KIF27: variants seen among roughly 807,000 people sequenced by gnomAD.
KIF27 encodes the protein kinesin family member 27, also known as kinesin-like protein KIF27.
A neutral mutation model predicts 141.8 loss-of-function variants in KIF27; 84 were observed. The observed-to-expected ratio is 0.59, with a 90% CI of 0.50 to 0.71. The LOEUF (loss-of-function observed/expected upper bound fraction) is 0.71. Among genes scored for constraint, KIF27 ranks in the 30% least tolerant of loss-of-function variants. KIF27 has a pLI of 0.00. For missense variants in KIF27, 1,306 were observed against 1,628.4 expected, an observed-to-expected ratio of 0.80 and a Z score of 3.41; for synonymous variants, 471 against 569.5, an observed-to-expected ratio of 0.83 and a Z score of 2.46.
intron 4 of KIF27, among the ~76,000 whole-genome samples, chr9:83,901,117 C>A (rs1326408642): frequency 6.6e-6 from 1 of 152,086 alleles, no homozygotes; most frequent in African/African-American, 2.4e-5. Flanking sequence ...TGCCACCATG[C>A]CTGGCTAGTT....
At chr9:83,884,162 C>T (rs1203581611) in intron 9 of KIF27, 144 bp from the exon 10 acceptor site, 2 of 547,184 alleles carry the variant, frequency 3.7e-6, no homozygotes, top group Non-Finnish European at 6.2e-6. Flanking sequence ...TGTCCCCACC[C>T]ACCCCCATCA....
At chr9:83,863,363 TTATTGAGAGTTTTTACCA>T (rs1302699262) in intron 13 of KIF27, among the ~76,000 whole-genome samples, 1 of 152,194 alleles carries the variant, frequency 6.6e-6, no homozygotes, top group Non-Finnish European at 1.5e-5. Context: ...AATACCTAAT[TTATTGAGAGTTTTTACCA>T]TGAAGGGCTG....
Position 83,837,116 on chromosome 9 carries a change from CG to C in KIF27, c.4090del (p.Arg1364ValfsTer36), listed in dbSNP as rs746736118. ...TPVKLCRKELRQISALELSLR... is the reference protein window; with the variant it reads ...TPVKLCRKELXQISALELSLR... ...TGATAGTTCCAAGGCGGAAATTTGA[CG>C]TAATTCTTTTCGACACAGTTTTACA... On this transcript the variant is annotated frameshift_variant, in exon 18 of 18. Coordinates refer to ENST00000297814, the MANE Select transcript of KIF27 (RefSeq NM_017576.4). LOFTEE classifies it high-confidence loss of function. 13 of 1,613,866 alleles carry C rather than the reference CG, an allele frequency of 8.1e-6. No homozygotes were observed. Among genetic ancestry groups the C allele is most frequent in the South Asian group, 3.3e-5 (3 of 91,062 alleles).
intron 13 of KIF27, among the ~76,000 whole-genome samples, chr9:83,865,105 G>A (rs1161616407): frequency 6.6e-6 from 1 of 151,922 alleles, no homozygotes; most frequent in Non-Finnish European, 1.5e-5. Context: ...CACATTACTG[G>A]TGTTGAGAAA....
chr9:83,853,948 T>A, intron 14 of KIF27, 113 bp from the exon 15 acceptor site: 1 of 777,318 alleles, frequency 1.3e-6, no homozygotes, highest in East Asian at 2.7e-5. Flanking sequence ...ACTCTTGTAC[T>A]AGATTTTAAG....
intron 17 of KIF27, 70 bp from the exon 18 acceptor site, chr9:83,837,555 C>T: frequency 6.9e-7 from 1 of 1,447,044 alleles, no homozygotes; most frequent in Non-Finnish European, 9.3e-7. Flanking sequence ...ATCAAAACAT[C>T]TTAACATAAA....
chr9:83,891,258 T>C (rs1302767768), intron 6 of KIF27, 37 bp downstream of exon 6: 1 of 1,578,588 alleles, frequency 6.3e-7, no homozygotes, highest in Admixed American at 1.7e-5. Context: ...AAAATTTTTT[T>C]AATCTCCAAA....
intron 4 of KIF27, among the ~76,000 whole-genome samples, chr9:83,900,138 T>C (rs1428349334): frequency 6.6e-6 from 1 of 152,188 alleles, no homozygotes; most frequent in Non-Finnish European, 1.5e-5. Context: ...TGTGGATCAC[T>C]CAAAGAGCTC....
intron 3 of KIF27, among the ~76,000 whole-genome samples, chr9:83,908,127 T>C (rs1318230624): frequency 1.3e-5 from 2 of 151,980 alleles, no homozygotes; most frequent in African/African-American, 2.4e-5. Context: ...CCAGGCATGG[T>C]GGTGCACACC....
chr9:83,870,840 T>A (rs1392077070), intron 11 of KIF27, among the ~76,000 whole-genome samples: 2 of 151,772 alleles, frequency 1.3e-5, no homozygotes. Context: ...ACTTCCTTAG[T>A]CACAGAAAGA....
chr9:83,908,904 T>C (rs1056754711), intron 2 of KIF27, among the ~76,000 whole-genome samples: 6 of 152,090 alleles, frequency 3.9e-5, no homozygotes, highest in African/African-American at 1.4e-4. Flanking sequence ...GGATTACAGA[T>C]GCCCACCACC....
chr9:83,913,264 C>T (rs1955361154), intron 2 of KIF27, among the ~76,000 whole-genome samples: 1 of 152,098 alleles, frequency 6.6e-6, no homozygotes, highest in Non-Finnish European at 1.5e-5. Flanking sequence ...TTTCATTCTG[C>T]CCTAGTGCCC....
intron 11 of KIF27, among the ~76,000 whole-genome samples, chr9:83,873,907 C>A (rs1950998321): frequency 6.6e-6 from 1 of 152,048 alleles, no homozygotes; most frequent in South Asian, 2.1e-4. Context: ...AAAAAATTAG[C>A]CGGGTGTGGT....
At chr9:83,862,086 G>C (rs1588057645) in intron 13 of KIF27, among the ~76,000 whole-genome samples, 2 of 152,020 alleles carry the variant, frequency 1.3e-5, no homozygotes, top group African/African-American at 4.8e-5. Context: ...CCCTTTGTCA[G>C]ATGAGTAGAT....
Position 83,837,071 on chromosome 9 carries a change from C to A in KIF27, c.4136G>T (p.Gly1379Val). Reference sequence around the variant, plus strand: ...AGCAGCCATTGATCCAATGCCAACTCCAAGACTGGAACGTCGCAATGATAG... The same window carrying A: ...AGCAGCCATTGATCCAATGCCAACTACAAGACTGGAACGTCGCAATGATAG... The part of the protein sequence containing the change: ...LELSLRRSSL[G>V]VGIGSMAADS... Residue 1379 changes from glycine (G) to valine (V), a missense_variant, in exon 18 of 18, where the codon GGA becomes GTA. By Grantham distance (109) the Gly-to-Val change is moderately radical. This residue lies in a region of KIF27 where 148 missense variants were observed against 250.9 expected (regional missense o/e 0.59). Coordinates refer to ENST00000297814, the MANE Select transcript of KIF27 (RefSeq NM_017576.4). The A allele has an allele frequency of 6.2e-7, 1 of 1,614,008 alleles. No individual in the cohort carries two copies. Among genetic ancestry groups the A allele is most frequent in the Non-Finnish European group, 8.5e-7 (1 of 1,179,872 alleles).
intron 2 of KIF27, among the ~76,000 whole-genome samples, chr9:83,909,268 A>C (rs553498961): frequency 1.3e-5 from 2 of 152,330 alleles, no homozygotes; most frequent in African/African-American, 4.8e-5. Flanking sequence ...TTGCAACTTT[A>C]AATAGGAAGG....
chr9:83,845,764 A>G (rs535543130), intron 16 of KIF27, among the ~76,000 whole-genome samples: 9 of 152,346 alleles, frequency 5.9e-5, no homozygotes, highest in African/African-American at 1.7e-4. Context: ...CATGGGCTGT[A>G]GCCAGTGGTT....
At position 83,834,924 on chromosome 9, in the gene KIF27, T is replaced by TAA. The variant is rs1475070996; in HGVS notation, c.*2075_*2076dup. On this transcript the variant is annotated 3_prime_UTR_variant, in exon 18 of 18. Transcript: ENST00000297814. ...CTATATCTATATACAAGTATATATA[T>TAA]AATACTATATATATACAAGTGTTTA... 8.1e-5 allele frequency among the ~76,000 whole-genome samples: 12 copies of TAA among 148,896 alleles called. No homozygotes were observed. The highest frequency in any genetic ancestry group is 2.1e-4 in the South Asian group (1 of 4,776).
chr9:83,862,411 A>T (rs1950013411), intron 13 of KIF27, among the ~76,000 whole-genome samples: 1 of 152,220 alleles, frequency 6.6e-6, no homozygotes, highest in African/African-American at 2.4e-5. Flanking sequence ...CAGTTTTCCC[A>T]GCACCATTTG....
Sources: gnomAD v4.1 joint callset for allele counts (sites outside exome capture counted in the v4.1 genomes callset) on GRCh38, gnomAD v4.1.1 for gene constraint, gnomAD v4.1.1 regional missense constraint, MANE v1.5 for transcripts, NCBI Gene and HGNC (gene_info 2026-07-23, HGNC 2026-07-21) for gene names.